COL5A1: variants seen among roughly 807,000 people sequenced by gnomAD.
COL5A1 encodes the protein collagen alpha-1(V) chain.
In COL5A1, 16 loss-of-function variants were observed where a neutral mutation model predicts 263.7. The ratio of observed to expected loss-of-function variants is 0.06; its 90% CI spans 0.04 to 0.09. COL5A1 has a LOEUF of 0.09. COL5A1 is among the 10% of genes least tolerant of loss of function. The pLI is 1.00. For synonymous variants in COL5A1, 1,012 were observed against 1,004.5 expected, an observed-to-expected ratio of 1.01 and a Z score of -0.14; for missense variants, 2,036 against 2,540.5, an observed-to-expected ratio of 0.80 and a Z score of 4.27.
chr9:134,675,314 A>G (rs1011374156), intron 1 of COL5A1, among the ~76,000 whole-genome samples: 12 of 152,204 alleles, frequency 7.9e-5, no homozygotes, highest in Admixed American at 5.9e-4. Flanking sequence ...TCCTGTGGGT[A>G]CTGAATGAGA....
intron 11 of COL5A1, 127 bp downstream of exon 11, chr9:134,738,935 C>G: frequency 1.3e-6 from 1 of 779,798 alleles, no homozygotes; most frequent in Non-Finnish European, 2.3e-6. Flanking sequence ...TTCAAATCCC[C>G]CCTCACCCAG....
chr9:134,771,681 A>G (rs977227735), intron 25 of COL5A1, among the ~76,000 whole-genome samples: 1 of 152,192 alleles, frequency 6.6e-6, no homozygotes, highest in Non-Finnish European at 1.5e-5. Context: ...ACGTTAGGCC[A>G]CTCAAGGTAG....
chr9:134,690,956 C>T lies in COL5A1; in HGVS notation c.154C>T (p.Pro52Ser). 1 of 1,613,896 alleles carries T rather than the reference C, an allele frequency of 6.2e-7. No individual in the cohort carries two copies. Among genetic ancestry groups the T allele is most frequent in the Non-Finnish European group, 8.5e-7 (1 of 1,180,058 alleles). Residue 52 changes from proline to serine, a missense_variant, in exon 2 of 66, where the codon CCT becomes TCT. By Grantham distance (74) the Pro-to-Ser change is moderately conservative. Transcript: ENST00000371817. Reference sequence around the variant, plus strand: ...GAAGGTTCTAGATTTTCACAACTTGCCTGATGGAATAACAAAGACAACAGG... The same window carrying T: ...GAAGGTTCTAGATTTTCACAACTTGTCTGATGGAATAACAAAGACAACAGG... ...LLKVLDFHNL[P>S]DGITKTTGFC...
At chr9:134,795,567 C>T (rs1480650971) in intron 34 of COL5A1, among the ~76,000 whole-genome samples, 1 of 152,208 alleles carries the variant, frequency 6.6e-6, no homozygotes, top group Non-Finnish European at 1.5e-5. Context: ...GGGCCTCGCC[C>T]CAACACCTGG....
chr9:134,804,902 G>A (rs1838241203), intron 39 of COL5A1, 73 bp from the exon 40 acceptor site: 2 of 1,339,062 alleles, frequency 1.5e-6, no homozygotes, highest in Non-Finnish European at 2.1e-6. Flanking sequence ...CCCAGCCCTT[G>A]GCTTCGCTCT....
At chr9:134,658,924 C>T (rs1452054890) in intron 1 of COL5A1, among the ~76,000 whole-genome samples, 2 of 152,206 alleles carry the variant, frequency 1.3e-5, no homozygotes, top group African/African-American at 2.4e-5. Flanking sequence ...CTTTTCTCTG[C>T]AGGTGAAGAG....
At chr9:134,774,564 C>T (rs187975399) in intron 26 of COL5A1, among the ~76,000 whole-genome samples, 2 of 152,350 alleles carry the variant, frequency 1.3e-5, no homozygotes, top group African/African-American at 2.4e-5. Context: ...GCTGACCTTT[C>T]ACCGTCTCAC....
At chr9:134,834,300 G>A (rs375508535) in intron 64 of COL5A1, among the ~76,000 whole-genome samples, 2 of 152,216 alleles carry the variant, frequency 1.3e-5, no homozygotes, top group Non-Finnish European at 2.9e-5. Context: ...CTTCATGCAA[G>A]CCATATTTTT....
chr9:134,754,612 G>T lies in COL5A1; in HGVS notation c.1827+286G>T, dbSNP rs1041149354. 1.3e-5 allele frequency among the ~76,000 whole-genome samples: 2 copies of T among 152,226 alleles called. No homozygotes were observed. The highest frequency in any genetic ancestry group is 4.8e-5 in the African/African-American group (2 of 41,464). ...AAGAAACTTCCCAGGCCCTTTGGGA[G>T]CAAATGTTAAGAAGACAAAACTATC... On this transcript the variant is annotated intron_variant, in intron 16 of 65. Coordinates refer to ENST00000371817, the MANE Select transcript of COL5A1 (RefSeq NM_000093.5). This position sits in a 1 kb window ranked among gnomAD's most constrained non-coding sequence, Gnocchi z 4.3.
chr9:134,818,466 G>A lies in COL5A1; in HGVS notation c.4231-190G>A, dbSNP rs1383480529. Reference sequence around the variant, plus strand: ...AGACGGGATCCCTGCTGGCCTGGGAGATGATCGGGATGGAGACTTGACCAG... The same window carrying A: ...AGACGGGATCCCTGCTGGCCTGGGAAATGATCGGGATGGAGACTTGACCAG... On this transcript the variant is annotated intron_variant, in intron 54 of 65. Transcript: ENST00000371817. This position sits in a 1 kb window ranked among gnomAD's most constrained non-coding sequence, Gnocchi z 6.0. 6.6e-6 allele frequency among the ~76,000 whole-genome samples: 1 copy of A among 152,218 alleles called. No individual in the cohort carries two copies. Among genetic ancestry groups the A allele is most frequent in the Non-Finnish European group, 1.5e-5 (1 of 68,036 alleles).
intron 11 of COL5A1, among the ~76,000 whole-genome samples, chr9:134,748,192 TCA>T (rs1333453693): frequency 3.4e-5 from 5 of 147,944 alleles, no homozygotes; most frequent in East Asian, 4.1e-4. Context: ...ATGCATACAT[TCA>T]CACACATGCA....
intron 37 of COL5A1, among the ~76,000 whole-genome samples, chr9:134,801,677 C>T (rs915117822): frequency 4.6e-5 from 7 of 151,134 alleles, no homozygotes; most frequent in South Asian, 2.1e-4. Context: ...ATCCCAGCTA[C>T]CCAGGAGGGT....
chr9:134,799,980 C>T (rs184907124), intron 37 of COL5A1, among the ~76,000 whole-genome samples: 11 of 152,308 alleles, frequency 7.2e-5, no homozygotes, highest in African/African-American at 2.2e-4. Context: ...AGACACATGG[C>T]GCTGGAGTGA....
chr9:134,768,675 C>T lies in COL5A1; in HGVS notation c.2286+212C>T, dbSNP rs944541191. On this transcript the variant is annotated intron_variant, in intron 25 of 65. Coordinates refer to ENST00000371817, the MANE Select transcript of COL5A1 (RefSeq NM_000093.5). ...ATCATGGATTTTAATCAACGAGTGG[C>T]GATTGCGCGAGTAGGAATATTAGCT... 4.6e-5 allele frequency among the ~76,000 whole-genome samples: 7 copies of T among 152,250 alleles called. No individual in the cohort carries two copies. In the East Asian group the frequency reaches 7.7e-4, roughly 17 times the overall value.
chr9:134,734,803 C>T (rs1343203367), intron 9 of COL5A1, among the ~76,000 whole-genome samples: 2 of 152,242 alleles, frequency 1.3e-5, no homozygotes, highest in African/African-American at 4.8e-5. Flanking sequence ...ACCATCTCCA[C>T]TTGACACTGT....
chr9:134,715,911 G>C (rs1238480041), intron 4 of COL5A1, among the ~76,000 whole-genome samples: 3 of 152,158 alleles, frequency 2.0e-5, no homozygotes, highest in Non-Finnish European at 4.4e-5. Flanking sequence ...GGTGAAGGTG[G>C]TGATGGAGGT....
At chr9:134,815,314 C>T (rs541221995) in intron 50 of COL5A1, among the ~76,000 whole-genome samples, 17 of 152,348 alleles carry the variant, frequency 1.1e-4, no homozygotes, top group East Asian at 1.9e-4. Context: ...GTGGGCGGAA[C>T]GCCTGCCCCT....
chr9:134,791,686 C>T (rs534832740), intron 32 of COL5A1, among the ~76,000 whole-genome samples: 62 of 152,220 alleles, frequency 4.1e-4, no homozygotes, highest in Admixed American at 3.9e-4. Flanking sequence ...TTGCCTTCTG[C>T]GCCTCGGTGA....
intron 11 of COL5A1, among the ~76,000 whole-genome samples, chr9:134,739,341 T>C (rs565578024): frequency 1.7e-4 from 26 of 152,360 alleles, no homozygotes; most frequent in Admixed American, 7.2e-4. Flanking sequence ...TACTGCGGCC[T>C]CCTGGTGTCC....
Sources: allele counts gnomAD v4.1 joint callset (sites outside exome capture counted in the v4.1 genomes callset), GRCh38; gene constraint gnomAD v4.1.1; non-coding constraint Gnocchi (gnomAD v3.1); transcripts MANE v1.5; gene names NCBI Gene and HGNC (gene_info 2026-07-23, HGNC 2026-07-21).